XPO7: variants seen among roughly 807,000 people sequenced by gnomAD.
XPO7 encodes the protein exportin 7.
In XPO7, 21 loss-of-function variants were observed where a neutral mutation model predicts 144.3. The observed-to-expected ratio is 0.15, with a 90% CI of 0.10 to 0.21. The LOEUF (loss-of-function observed/expected upper bound fraction) is 0.21, where lower values mean the gene tolerates loss of function less well. Ranked by LOEUF, XPO7 falls within the 10% of genes least tolerant of loss-of-function variation. The probability of loss-of-function intolerance (pLI) is 1.00; values close to 1 mark genes in which losing one functional copy is unlikely to be tolerated. For synonymous variants in XPO7, 580 were observed against 499.6 expected, an observed-to-expected ratio of 1.16 and a Z score of -2.15; for missense variants, 808 against 1,325.8, an observed-to-expected ratio of 0.61 and a Z score of 6.06.
chr8:21,971,740 T>A, intron 4 of XPO7, 136 bp from the exon 5 acceptor site: 3 of 557,696 alleles, frequency 5.4e-6, no homozygotes, highest in Non-Finnish European at 9.1e-6. Context: ...AGTTTTAAAC[T>A]ATGATTCCTT....
intron 1 of XPO7, among the ~76,000 whole-genome samples, chr8:21,944,849 G>A (rs553856927): frequency 2.4e-4 from 37 of 152,276 alleles, no homozygotes; most frequent in African/African-American, 7.9e-4. Context: ...GTTTAACAAA[G>A]CACATCTTGC....
chr8:21,995,450 C>A, intron 20 of XPO7, 42 bp from the exon 21 acceptor site: 1 of 1,527,222 alleles, frequency 6.5e-7, no homozygotes. Flanking sequence ...AATTCTGTAC[C>A]TTTCTGGAAT....
chr8:21,982,632 T>C lies in XPO7; in HGVS notation c.1105-8T>C. The C allele has an allele frequency of 6.4e-7, 1 of 1,570,868 alleles. No individual in the cohort carries two copies. Among genetic ancestry groups the C allele is most frequent in the South Asian group, 1.2e-5 (1 of 84,636 alleles). ...AAATATGCCTTCTGCTTTTCTACTTTTCTTTAGCACTGGGAATTTGCTCCA... is the reference window on the plus strand; with the variant it reads ...AAATATGCCTTCTGCTTTTCTACTTCTCTTTAGCACTGGGAATTTGCTCCA... On this transcript the variant is annotated splice_polypyrimidine_tract_variant and splice_region_variant and intron_variant, in intron 10 of 27. Coordinates refer to ENST00000252512, the MANE Select transcript of XPO7 (RefSeq NM_015024.5).
At chr8:21,985,789 C>A in intron 13 of XPO7, 98 bp downstream of exon 13, 1 of 1,021,240 alleles carries the variant, frequency 9.8e-7, no homozygotes, top group Non-Finnish European at 1.5e-6. Context: ...TCTGAACATG[C>A]TAACTGCCCA....
intron 2 of XPO7, among the ~76,000 whole-genome samples, chr8:21,968,897 A>T (rs1811966336): frequency 6.6e-6 from 1 of 152,236 alleles, no homozygotes; most frequent in African/African-American, 2.4e-5. Context: ...TCCATTGCTT[A>T]AGGCATAATT....
intron 1 of XPO7, among the ~76,000 whole-genome samples, chr8:21,944,389 G>A (rs763038322): frequency 5.3e-5 from 8 of 152,104 alleles, no homozygotes; most frequent in Non-Finnish European, 1.0e-4. Flanking sequence ...CCAACGTGGT[G>A]AAACCCCATG....
At chr8:21,978,866 G>A (rs892287232) in intron 8 of XPO7, among the ~76,000 whole-genome samples, 51 of 152,180 alleles carry the variant, frequency 3.4e-4, no homozygotes, top group African/African-American at 1.1e-3. Context: ...TCTCCTGCTG[G>A]TACTTTCCAT....
intron 2 of XPO7, among the ~76,000 whole-genome samples, chr8:21,969,062 T>C (rs1263534733): frequency 2.6e-5 from 4 of 152,342 alleles, no homozygotes; most frequent in African/African-American, 9.6e-5. Flanking sequence ...TCTTTTCTTT[T>C]TTCCCCAATA....
intron 13 of XPO7, 128 bp downstream of exon 13, chr8:21,985,819 C>G: frequency 1.4e-6 from 1 of 728,654 alleles, no homozygotes; most frequent in East Asian, 2.5e-5. Flanking sequence ...GCTTTCAAGG[C>G]TTTTGTAAGT....
At chr8:21,973,253 GT>G (rs1015139831) in intron 5 of XPO7, among the ~76,000 whole-genome samples, 6 of 152,308 alleles carry the variant, frequency 3.9e-5, no homozygotes, top group African/African-American at 1.4e-4. Context: ...TGGACTTAAT[GT>G]TTTCCCCTTT....
intron 1 of XPO7, among the ~76,000 whole-genome samples, chr8:21,956,691 A>G (rs759993502): frequency 4.0e-5 from 6 of 148,510 alleles, no homozygotes; most frequent in Admixed American, 2.0e-4. Context: ...CTCTGTCATC[A>G]TATGTTTATT....
chr8:21,977,154 C>T (rs185167192), intron 7 of XPO7, among the ~76,000 whole-genome samples: 35 of 152,258 alleles, frequency 2.3e-4, no homozygotes, highest in Admixed American at 3.9e-4. Context: ...ACAACTTGTT[C>T]TTATGTTTGC....
chr8:21,947,073 G>A (rs897942146), intron 1 of XPO7, among the ~76,000 whole-genome samples: 1 of 152,194 alleles, frequency 6.6e-6, no homozygotes, highest in African/African-American at 2.4e-5. Context: ...CCATAGAAGT[G>A]TTTGGTTATG....
intron 2 of XPO7, 84 bp downstream of exon 2, chr8:21,967,087 G>A (rs551367650): frequency 3.3e-6 from 5 of 1,505,454 alleles, no homozygotes; most frequent in South Asian, 1.3e-5. Context: ...GGCATGGGAT[G>A]GCTTCTGTTC....
rs1285346279 is a variant in XPO7 at position 21,998,795 on chromosome 8, A to T, written c.2386A>T (p.Ile796Phe). Residue 796 changes from isoleucine to phenylalanine, a missense_variant, in exon 22 of 28, where the codon ATC becomes TTC. Coordinates refer to ENST00000252512, the MANE Select transcript of XPO7 (RefSeq NM_015024.5). Reference sequence around the variant, plus strand: ...GTTTGATGTCTCTTCCCCCAATGGCATCTTACTCTTCCGAGAAACCAGCAA... The same window carrying T: ...GTTTGATGTCTCTTCCCCCAATGGCTTCTTACTCTTCCGAGAAACCAGCAA... ...LQFDVSSPNG[I>F]LLFRETSKMI... 1 of 1,613,964 alleles carries T rather than the reference A, an allele frequency of 6.2e-7. No individual in the cohort carries two copies. The highest frequency in any genetic ancestry group is 8.5e-7 in the Non-Finnish European group (1 of 1,179,882).
chr8:21,960,057 G>A (rs900777), intron 1 of XPO7, among the ~76,000 whole-genome samples: 152,370 of 152,370 alleles, frequency 1, 76,185 homozygotes, highest in Non-Finnish European at 1. Context: ...ATAGGAGACA[G>A]AATTGCAGGA....
chr8:21,967,097 C>A (rs1225925552), intron 2 of XPO7, 94 bp downstream of exon 2: 85 of 1,464,452 alleles, frequency 5.8e-5, no homozygotes, highest in Middle Eastern at 4.8e-4. Context: ...GGCTTCTGTT[C>A]CCTGATTTTT....
At chr8:21,998,137 G>C (rs549993431) in intron 21 of XPO7, among the ~76,000 whole-genome samples, 105 of 152,288 alleles carry the variant, frequency 6.9e-4, no homozygotes, top group African/African-American at 2.4e-3. Flanking sequence ...AGAGGCGACG[G>C]GTAGAAAGTA....
chr8:21,969,324 C>A (rs1811979166), intron 2 of XPO7, among the ~76,000 whole-genome samples, 159 bp from the exon 3 acceptor site: 1 of 152,112 alleles, frequency 6.6e-6, no homozygotes, highest in Admixed American at 6.5e-5. Context: ...CTATGTGGTT[C>A]ATTTTTCCTC....
Sources: gnomAD v4.1 joint callset for allele counts (sites outside exome capture counted in the v4.1 genomes callset) on GRCh38, gnomAD v4.1.1 for gene constraint, MANE v1.5 for transcripts, NCBI Gene and HGNC (gene_info 2026-07-23, HGNC 2026-07-21) for gene names.